The following SATB2 variants were observed in gnomAD, a reference collection of about 807,000 sequenced individuals.
The protein encoded by SATB2 is DNA-binding protein SATB2.
A neutral mutation model predicts 73.4 loss-of-function variants in SATB2; 1 was observed. That is an observed-to-expected ratio of 0.01 (90% CI 0.00 to 0.06). The LOEUF (loss-of-function observed/expected upper bound fraction) is 0.06. SATB2 is among the 10% of genes least tolerant of loss of function. The probability of loss-of-function intolerance (pLI) is 1.00; values close to 1 mark genes in which losing one functional copy is unlikely to be tolerated. For missense variants in SATB2, 459 were observed against 945.8 expected (o/e 0.49, Z 6.75); for synonymous variants, 397 against 367.0 (o/e 1.08, Z -0.93).
intron 10 of SATB2, among the ~76,000 whole-genome samples, chr2:199,294,482 T>C (rs1692965594): frequency 3.9e-5 from 6 of 152,170 alleles, no homozygotes; most frequent in Admixed American, 3.3e-4. Flanking sequence ...TTCTTTCCTT[T>C]CATTACTATG....
chr2:199,320,671 T>G (rs2105784807), intron 9 of SATB2, among the ~76,000 whole-genome samples: 1 of 152,236 alleles, frequency 6.6e-6, no homozygotes. Context: ...TGCCACCCTT[T>G]CAACTCCTTT....
chr2:199,306,391 T>C (rs1286654854), intron 10 of SATB2, among the ~76,000 whole-genome samples: 3 of 152,186 alleles, frequency 2.0e-5, no homozygotes, highest in Non-Finnish European at 4.4e-5. Context: ...AGTTTCACAG[T>C]AGTTATGGGC....
intron 6 of SATB2, among the ~76,000 whole-genome samples, chr2:199,361,085 A>T (rs1169152231): frequency 6.6e-6 from 1 of 152,066 alleles, no homozygotes; most frequent in Admixed American, 6.6e-5. Flanking sequence ...TTCATTTGGT[A>T]CCATTTCAAT....
chr2:199,288,284 C>A (rs1692745287), intron 10 of SATB2, among the ~76,000 whole-genome samples: 1 of 152,208 alleles, frequency 6.6e-6, no homozygotes, highest in African/African-American at 2.4e-5. Flanking sequence ...AGAGACCCTT[C>A]CTGACAAACC....
At chr2:199,297,591 G>A (rs1026385011) in intron 10 of SATB2, among the ~76,000 whole-genome samples, 1 of 152,150 alleles carries the variant, frequency 6.6e-6, no homozygotes, top group African/African-American at 2.4e-5. Flanking sequence ...CAACACCAGA[G>A]AATATTTATT....
At chr2:199,301,992 T>A (rs1428397737) in intron 10 of SATB2, among the ~76,000 whole-genome samples, 1 of 152,156 alleles carries the variant, frequency 6.6e-6, no homozygotes, top group Non-Finnish European at 1.5e-5. Context: ...TACACCTGGA[T>A]TTTCATGAAG....
intron 8 of SATB2, among the ~76,000 whole-genome samples, chr2:199,324,796 G>C (rs966164470): frequency 6.6e-6 from 1 of 152,122 alleles, no homozygotes; most frequent in Non-Finnish European, 1.5e-5. Context: ...TGTCTAATAA[G>C]AGAGGGCTGA....
intron 5 of SATB2, among the ~76,000 whole-genome samples, chr2:199,375,082 T>C (rs1470394104): frequency 6.6e-6 from 1 of 152,140 alleles, no homozygotes; most frequent in Non-Finnish European, 1.5e-5. Context: ...GTACCTCTAC[T>C]TATTTAAATG....
chr2:199,283,253 T>TTTC (rs1692583881), intron 10 of SATB2, among the ~76,000 whole-genome samples: 1 of 150,148 alleles, frequency 6.7e-6, no homozygotes, highest in Non-Finnish European at 1.5e-5. Flanking sequence ...CTAGCTATTT[T>TTTC]TTTTTTTTTT....
intron 3 of SATB2, among the ~76,000 whole-genome samples, chr2:199,427,103 C>T (rs745660320): frequency 4.6e-5 from 7 of 152,096 alleles, no homozygotes; most frequent in Non-Finnish European, 7.4e-5. Context: ...GTCTCAAACC[C>T]CTGACCTCAA....
upstream of SATB2, chr2:199,468,980 C>CG (rs1692649971): frequency 6.6e-6 from 1 of 152,264 alleles, no homozygotes; most frequent in African/African-American, 2.4e-5. Flanking sequence ...GGGACAGGGC[C>CG]GGTGAACCCG....
At position 199,365,108 on chromosome 2, in the gene SATB2, C is replaced by G. The variant is rs564941239; in HGVS notation, c.700+3497G>C. Among the ~76,000 whole-genome samples the G allele has an allele frequency of 1.1e-4, 16 of 152,154 alleles. No individual in the cohort carries two copies. The South Asian group carries it at 3.3e-3, about 32-fold the overall frequency. On this transcript the variant is annotated intron_variant, in intron 6 of 10. Coordinates refer to ENST00000417098, the MANE Select transcript of SATB2 (RefSeq NM_001172509.2). Reference sequence around the variant, plus strand: ...GACCTTAAAAATAATTTTGGAATAGCATGAATGTTTCTAGGTGTCTATGGA... The same window carrying G: ...GACCTTAAAAATAATTTTGGAATAGGATGAATGTTTCTAGGTGTCTATGGA...
upstream of SATB2, among the ~76,000 whole-genome samples, chr2:199,460,951 A>G (rs1692461587): frequency 6.6e-6 from 1 of 152,200 alleles, no homozygotes; most frequent in African/African-American, 2.4e-5. This position sits in a 1 kb window ranked among gnomAD's most constrained non-coding sequence, Gnocchi z 4.0. Context: ...ACCCTTTTAA[A>G]TTCATTGCTT....
At chr2:199,443,021 A>ATTTTT (rs10673737) in intron 2 of SATB2, among the ~76,000 whole-genome samples, 10 of 133,576 alleles carry the variant, frequency 7.5e-5, no homozygotes, top group Non-Finnish European at 1.4e-4. Flanking sequence ...GTTTCTGAGA[A>ATTTTT]TTTTTTTTTT....
chr2:199,454,919 G>T (rs144772746), intron 2 of SATB2, among the ~76,000 whole-genome samples: 1 of 152,046 alleles, frequency 6.6e-6, no homozygotes, highest in African/African-American at 2.4e-5. Flanking sequence ...TATTAAATGG[G>T]CTACTGTTGA....
At chr2:199,458,660 G>A (rs943324925), upstream of SATB2, 1 of 440,848 alleles carries the variant, frequency 2.3e-6, no homozygotes, top group Non-Finnish European at 4.5e-6. Context: ...GCAGACCGAC[G>A]CGCAAGAGGC....
chr2:199,458,615 G>A (rs1314070032), upstream of SATB2: 1 of 435,888 alleles, frequency 2.3e-6, no homozygotes, highest in Non-Finnish European at 4.6e-6. Flanking sequence ...GCGGCGACAA[G>A]GCAGTCGCTG....
chr2:199,307,893 T>C (rs993384410), intron 10 of SATB2, among the ~76,000 whole-genome samples: 13 of 152,182 alleles, frequency 8.5e-5, no homozygotes, highest in Admixed American at 5.2e-4. Context: ...TGTGCACATA[T>C]GCACTCCTGC....
intron 2 of SATB2, among the ~76,000 whole-genome samples, chr2:199,441,890 T>A (rs77990883): frequency 6.6e-6 from 1 of 152,194 alleles, no homozygotes; most frequent in Non-Finnish European, 1.5e-5. Flanking sequence ...CATGGGCACA[T>A]AGGAGGCAAT....
Sources: gnomAD v4.1 joint callset for allele counts (sites outside exome capture counted in the v4.1 genomes callset) on GRCh38, gnomAD v4.1.1 for gene constraint, Gnocchi (gnomAD v3.1) non-coding constraint, MANE v1.5 for transcripts, NCBI Gene and HGNC (gene_info 2026-07-23, HGNC 2026-07-21) for gene names.